APOD: variants seen among roughly 807,000 people sequenced by gnomAD.
APOD encodes apolipoprotein D, also known as apo-D.
In APOD, 22 loss-of-function variants were observed where a neutral mutation model predicts 20.4. The ratio of observed to expected loss-of-function variants is 1.08; its 90% CI spans 0.77 to 1.54. The LOEUF is 1.54. APOD is among the 40% of genes most tolerant of loss of function. APOD has a pLI of 0.00. For missense variants in APOD, 223 were observed against 229.6 expected, an observed-to-expected ratio of 0.97 and a Z score of 0.19; for synonymous variants, 97 against 92.4, an observed-to-expected ratio of 1.05 and a Z score of -0.29.
At chr3:195,572,836 C>T (rs1330536506) in intron 3 of APOD, among the ~76,000 whole-genome samples, 1 of 151,918 alleles carries the variant, frequency 6.6e-6, no homozygotes, top group Non-Finnish European at 1.5e-5. Flanking sequence ...CACAGTGAAA[C>T]CCCGTCTCTA....
intron 2 of APOD, 27 bp downstream of exon 2, chr3:195,579,311 CA>C: frequency 6.2e-7 from 1 of 1,613,454 alleles, no homozygotes; most frequent in Non-Finnish European, 8.5e-7. Flanking sequence ...GCGGAGGCAG[CA>C]AAACAAACGG....
chr3:195,572,541 TG>T (rs1406317141), intron 3 of APOD, among the ~76,000 whole-genome samples: 1 of 152,134 alleles, frequency 6.6e-6, no homozygotes, highest in African/African-American at 2.4e-5. Flanking sequence ...TGACTCCCAA[TG>T]GCCCCATGAA....
chr3:195,568,962 T>C lies in APOD; in HGVS notation c.508A>G (p.Asn170Asp). The C allele has an allele frequency of 6.2e-7, 1 of 1,614,152 alleles. No homozygotes were observed. The highest frequency in any genetic ancestry group is 8.5e-7 in the Non-Finnish European group (1 of 1,180,028). ...GTCATTTTCTTGACATCAATGTTATTAGAAGTCAGGATATTTTTTAGAGAG... is the reference window on the plus strand; with the variant it reads ...GTCATTTTCTTGACATCAATGTTATCAGAAGTCAGGATATTTTTTAGAGAG... ...VDSLKNILTS[N>D]NIDVKKMTVT... The change falls in exon 5 of 5, where the codon AAT becomes GAT. Residue 170 changes from asparagine to aspartate, a missense_variant. Asn to Asp is a conservative substitution (Grantham distance 23, BLOSUM62 1). Coordinates refer to ENST00000343267, the MANE Select transcript of APOD (RefSeq NM_001647.4).
At chr3:195,581,956 G>A (rs1720345656) in intron 1 of APOD, among the ~76,000 whole-genome samples, 1 of 151,214 alleles carries the variant, frequency 6.6e-6, no homozygotes, top group African/African-American at 2.5e-5. Flanking sequence ...AGCACCTGAG[G>A]TTGGGAGTTC....
chr3:195,583,389 T>C (rs1720374279), intron 1 of APOD, among the ~76,000 whole-genome samples: 1 of 152,234 alleles, frequency 6.6e-6, no homozygotes, highest in Admixed American at 6.5e-5. Context: ...TCATTAGGTC[T>C]CAAAGACTCA....
intron 3 of APOD, among the ~76,000 whole-genome samples, chr3:195,572,805 G>T (rs531035990): frequency 2.3e-4 from 35 of 151,928 alleles, no homozygotes; most frequent in South Asian, 8.3e-4. Context: ...AAGGTCAGGA[G>T]ATCAAGACCA....
chr3:195,573,528 A>G (rs961979782), intron 3 of APOD, among the ~76,000 whole-genome samples: 1 of 152,226 alleles, frequency 6.6e-6, no homozygotes, highest in African/African-American at 2.4e-5. Context: ...TGCTTCTGTC[A>G]GCAGATGGTG....
intron 2 of APOD, 35 bp downstream of exon 2, chr3:195,579,304 G>C (rs745564078): frequency 1.2e-6 from 2 of 1,613,300 alleles, no homozygotes; most frequent in Admixed American, 3.3e-5. Flanking sequence ...ATTCACAGCG[G>C]AGGCAGCAAA....
At chr3:195,580,921 A>G (rs1252500171) in intron 1 of APOD, among the ~76,000 whole-genome samples, 4 of 152,080 alleles carry the variant, frequency 2.6e-5, no homozygotes, top group Admixed American at 6.5e-5. Flanking sequence ...CTCGCTGTCA[A>G]TTTGCTCCTT....
intron 3 of APOD, 62 bp downstream of exon 3, chr3:195,573,788 A>C: frequency 6.3e-7 from 1 of 1,580,632 alleles, no homozygotes; most frequent in South Asian, 1.2e-5. Context: ...AGGCTGCCGG[A>C]CACCCAGTCA....
chr3:195,574,582 G>C (rs1455379442), intron 2 of APOD, among the ~76,000 whole-genome samples: 1 of 152,184 alleles, frequency 6.6e-6, no homozygotes, highest in African/African-American at 2.4e-5. Flanking sequence ...GACCATACCA[G>C]TTTACAACCT....
intron 4 of APOD, among the ~76,000 whole-genome samples, chr3:195,569,412 G>A (rs1720120262): frequency 1.3e-5 from 2 of 152,100 alleles, no homozygotes; most frequent in African/African-American, 2.4e-5. Flanking sequence ...CAGCGTTATA[G>A]TCATCACCCA....
chr3:195,568,937 G>A lies in APOD; in HGVS notation c.533C>T (p.Thr178Met), dbSNP rs5955. The change falls in exon 5 of 5, where the codon ACG becomes ATG. Residue 178 changes from threonine (T) to methionine (M), a missense_variant. Physicochemically the swap from Thr to Met is moderately conservative, Grantham distance 81. Transcript: ENST00000343267. ...GGGGCAGTTCACCTGGTCTGTGACCGTCATTTTCTTGACATCAATGTTATT... is the reference window on the plus strand; with the variant it reads ...GGGGCAGTTCACCTGGTCTGTGACCATCATTTTCTTGACATCAATGTTATT... ...TSNNIDVKKM[T>M]VTDQVNCPKL... The A allele has an allele frequency of 8.4e-5, 135 of 1,613,884 alleles. No individual in the cohort carries two copies. The highest frequency in any genetic ancestry group is 2.0e-4 in the East Asian group (9 of 44,890).
chr3:195,571,385 G>T lies in APOD; in HGVS notation c.246-20C>A. The T allele has an allele frequency of 1.9e-6, 3 of 1,547,896 alleles. No homozygotes were observed. The highest frequency in any genetic ancestry group is 8.7e-7 in the Non-Finnish European group (1 of 1,145,592). ...TCAGCTCTGCAGTGAGTTAAAAAAA[G>T]AAAAAATACAAAAAACGAAAAGAGA... On this transcript the variant is annotated intron_variant, in intron 3 of 4. Transcript: ENST00000343267.
intron 4 of APOD, among the ~76,000 whole-genome samples, chr3:195,569,629 T>C (rs139482490): frequency 2.1e-3 from 325 of 152,182 alleles, no homozygotes; most frequent in African/African-American, 7.1e-3. Flanking sequence ...AAACTTCACA[T>C]GTCTCTCCTT....
rs761762956 is a variant in APOD at position 195,577,041 on chromosome 3, G to A, written c.123+2298C>T. On this transcript the variant is annotated intron_variant, in intron 2 of 4. Transcript: ENST00000343267. ...CTTTACTAAAATACAAAAAAACTTT[G>A]CTGGGTGTGGTGGCGTGTACCTGTA... The A allele has an allele frequency of 4.5e-5, 10 of 224,624 alleles. No homozygotes were observed. The South Asian group carries it at 4.6e-4, about 10-fold the overall frequency. The allele number at this position is 224,624 out of a possible 1,614,324, so 13.9% of individuals were successfully genotyped here.
chr3:195,583,426 G>GT (rs1418350606), intron 1 of APOD, among the ~76,000 whole-genome samples: 10 of 152,154 alleles, frequency 6.6e-5, no homozygotes, highest in Admixed American at 1.3e-4. Context: ...AACAAGACAC[G>GT]TATCTCCCAA....
At chr3:195,578,073 T>A (rs369405294) in intron 2 of APOD, among the ~76,000 whole-genome samples, 55 of 152,334 alleles carry the variant, frequency 3.6e-4, no homozygotes, top group Middle Eastern at 6.8e-3. Flanking sequence ...ACAAATTATA[T>A]CTCAATAAAG....
At chr3:195,574,335 G>A (rs1409550170) in intron 2 of APOD, among the ~76,000 whole-genome samples, 3 of 152,168 alleles carry the variant, frequency 2.0e-5, no homozygotes, top group Non-Finnish European at 4.4e-5. Context: ...TTCGCTGTGG[G>A]GAGCTAGGAC....
Sources: gnomAD v4.1 joint callset for allele counts (sites outside exome capture counted in the v4.1 genomes callset) on GRCh38, gnomAD v4.1.1 for gene constraint, MANE v1.5 for transcripts, NCBI Gene and HGNC (gene_info 2026-07-23, HGNC 2026-07-21) for gene names.